Variants in VPS13B observed in about 807,000 individuals in gnomAD.
VPS13B encodes the protein intermembrane lipid transfer protein VPS13B.
VPS13B carries 285 observed loss-of-function variants against 426.4 expected under a neutral mutation model. That is an observed-to-expected ratio of 0.67 (90% CI 0.61 to 0.74). The LOEUF is 0.74. Among genes scored for constraint, VPS13B ranks in the 30% least tolerant of loss-of-function variants. The pLI, the probability that VPS13B is intolerant of heterozygous loss-of-function variation, is 0.00. For missense variants in VPS13B, 4,537 were observed against 4,782.6 expected, an observed-to-expected ratio of 0.95 and a Z score of 1.51; for synonymous variants, 1,676 against 1,676.4, an observed-to-expected ratio of 1.00 and a Z score of 0.01.
chr8:99,830,215 A>C (rs1401803075), intron 51 of VPS13B, among the ~76,000 whole-genome samples: 2 of 152,178 alleles, frequency 1.3e-5, no homozygotes, highest in Non-Finnish European at 2.9e-5. Context: ...CCCTTCCCCC[A>C]GGTGCTCTGT....
At chr8:99,556,715 A>G (rs1195047567) in intron 31 of VPS13B, 62 bp downstream of exon 31, 1 of 1,562,706 alleles carries the variant, frequency 6.4e-7, no homozygotes, top group African/African-American at 1.4e-5. Flanking sequence ...ATAGTTGGTG[A>G]TACAATCTTT....
At chr8:99,328,175 G>A (rs1354956514) in intron 19 of VPS13B, among the ~76,000 whole-genome samples, 1 of 151,900 alleles carries the variant, frequency 6.6e-6, no homozygotes, top group Non-Finnish European at 1.5e-5. Context: ...AGGGATCTAG[G>A]CTGCACGCTC....
chr8:99,353,148 AT>A (rs1240953592), intron 19 of VPS13B, among the ~76,000 whole-genome samples: 16 of 151,442 alleles, frequency 1.1e-4, no homozygotes, highest in Admixed American at 8.6e-4. Flanking sequence ...TGCCTGGCTA[AT>A]TTTTTCATAT....
At chr8:99,770,320 GA>G (rs1171805939) in intron 40 of VPS13B, among the ~76,000 whole-genome samples, 1 of 144,812 alleles carries the variant, frequency 6.9e-6, no homozygotes, top group Non-Finnish European at 1.6e-5. Context: ...CACTGGACTA[GA>G]GGCAAGGGAT....
At chr8:99,041,021 A>G (rs1487420282) in intron 3 of VPS13B, among the ~76,000 whole-genome samples, 2 of 152,182 alleles carry the variant, frequency 1.3e-5, no homozygotes, top group East Asian at 3.8e-4. Context: ...ACACTTAGAA[A>G]AAGAGATTCA....
Position 99,457,681 on chromosome 8 carries a change from T to TATTGATTTGAGAAATTTATTCCTG in VPS13B, c.3446-9732_3446-9709dup, listed in dbSNP as rs1225642789. ...CTCATCTTAACGCTAAAACTTAGAT[T>TATTGATTTGAGAAATTTATTCCTG]ATTGATTTGAGAAATTTATTCCTGT... On this transcript the variant is annotated intron_variant, in intron 23 of 61. Transcript: ENST00000357162. Among the ~76,000 whole-genome samples, 6 of 152,238 alleles carry TATTGATTTGAGAAATTTATTCCTG rather than the reference T, an allele frequency of 3.9e-5. No homozygotes were observed. The South Asian group carries it at 8.3e-4, about 21-fold the overall frequency.
At chr8:99,260,582 G>T (rs1429233822) in intron 17 of VPS13B, among the ~76,000 whole-genome samples, 1 of 151,968 alleles carries the variant, frequency 6.6e-6, no homozygotes, top group African/African-American at 2.4e-5. Context: ...TATATTTGAG[G>T]CATTGTATTA....
intron 4 of VPS13B, among the ~76,000 whole-genome samples, chr8:99,099,052 C>A (rs1846589093): frequency 6.6e-6 from 1 of 152,000 alleles, no homozygotes; most frequent in African/African-American, 2.4e-5. Flanking sequence ...ACTTCTGTGA[C>A]CATCTTAAAT....
At chr8:99,568,271 G>A (rs980776948) in intron 31 of VPS13B, among the ~76,000 whole-genome samples, 5 of 149,684 alleles carry the variant, frequency 3.3e-5, no homozygotes, top group East Asian at 4.0e-4. Flanking sequence ...GATATATACC[G>A]ATAACTATTA....
chr8:99,640,853 C>T (rs1829331075), intron 33 of VPS13B, among the ~76,000 whole-genome samples: 1 of 152,060 alleles, frequency 6.6e-6, no homozygotes, highest in African/African-American at 2.4e-5. Context: ...AAAGGAAGAG[C>T]CATGAAATAT....
intron 14 of VPS13B, among the ~76,000 whole-genome samples, chr8:99,155,554 C>T (rs1811315626): frequency 6.6e-6 from 1 of 151,760 alleles, no homozygotes; most frequent in Non-Finnish European, 1.5e-5. Flanking sequence ...TTTAGTAATC[C>T]CAAAGAAAGT....
chr8:99,575,937 G>T (rs1196806382), intron 32 of VPS13B, among the ~76,000 whole-genome samples, 153 bp downstream of exon 32: 1 of 152,144 alleles, frequency 6.6e-6, no homozygotes, highest in African/African-American at 2.4e-5. Context: ...GGAGCACTTT[G>T]TAGTACTCTT....
At chr8:99,697,824 C>T in intron 35 of VPS13B, 1 of 592,630 alleles carries the variant, frequency 1.7e-6, no homozygotes, top group Non-Finnish European at 3.3e-6. Context: ...AGCAAGCTCA[C>T]CAGCCTGGCC....
chr8:99,263,107 C>T (rs1253368171), intron 17 of VPS13B, among the ~76,000 whole-genome samples: 1 of 152,068 alleles, frequency 6.6e-6, no homozygotes, highest in African/African-American at 2.4e-5. Context: ...TATAGCTTTG[C>T]AAGGCTTGTA....
chr8:99,555,657 G>A (rs917588501), intron 30 of VPS13B, among the ~76,000 whole-genome samples: 1 of 152,090 alleles, frequency 6.6e-6, no homozygotes, highest in Non-Finnish European at 1.5e-5. Context: ...CTCAAACTTT[G>A]TGCTTCCCAC....
intron 54 of VPS13B, among the ~76,000 whole-genome samples, chr8:99,836,956 T>G (rs934275858): frequency 7.2e-5 from 11 of 152,170 alleles, no homozygotes; most frequent in Admixed American, 1.3e-4. Context: ...GCCTGGAATT[T>G]TATCCAGTTT....
intron 19 of VPS13B, among the ~76,000 whole-genome samples, chr8:99,320,722 T>C (rs1005269537): frequency 6.6e-6 from 1 of 152,202 alleles, no homozygotes; most frequent in African/African-American, 2.4e-5. Flanking sequence ...TTATCCCAAA[T>C]AGATGTTTAT....
At chr8:99,369,022 C>T (rs1436606469) in intron 19 of VPS13B, among the ~76,000 whole-genome samples, 1 of 152,210 alleles carries the variant, frequency 6.6e-6, no homozygotes, top group Non-Finnish European at 1.5e-5. Flanking sequence ...GAATCCTTCT[C>T]CTTCTTTAGG....
chr8:99,018,571 C>G (rs865886123), intron 2 of VPS13B, among the ~76,000 whole-genome samples: 1 of 152,148 alleles, frequency 6.6e-6, no homozygotes, highest in Non-Finnish European at 1.5e-5. Context: ...ATCTTTCTAT[C>G]CAATACTTGT....
Sources: allele counts gnomAD v4.1 joint callset (sites outside exome capture counted in the v4.1 genomes callset), GRCh38; gene constraint gnomAD v4.1.1; transcripts MANE v1.5; gene names NCBI Gene and HGNC (gene_info 2026-07-23, HGNC 2026-07-21).